Variants in C18orf63 observed in about 807,000 individuals in gnomAD.
The protein encoded by C18orf63 is chromosome 18 open reading frame 63.
In C18orf63, 50 loss-of-function variants were observed where a neutral mutation model predicts 75.3. The observed-to-expected ratio is 0.66, with a 90% CI of 0.53 to 0.84. The LOEUF (loss-of-function observed/expected upper bound fraction) is 0.84. Ranked by LOEUF, C18orf63 falls within the 40% of genes least tolerant of loss-of-function variation. The probability of loss-of-function intolerance (pLI) is 0.00; values close to 1 mark genes in which losing one functional copy is unlikely to be tolerated. For missense variants in C18orf63, 732 were observed against 800.2 expected, an observed-to-expected ratio of 0.91 and a Z score of 1.03; for synonymous variants, 232 against 267.6, an observed-to-expected ratio of 0.87 and a Z score of 1.30.
At chr18:74,338,057 C>T (rs899900573) in intron 7 of C18orf63, among the ~76,000 whole-genome samples, 1 of 152,044 alleles carries the variant, frequency 6.6e-6, no homozygotes, top group Admixed American at 6.6e-5. Flanking sequence ...GTCCTTTCAC[C>T]CATTAATACT....
intron 7 of C18orf63, among the ~76,000 whole-genome samples, chr18:74,333,369 T>C (rs1263364880): frequency 6.6e-6 from 1 of 152,186 alleles, no homozygotes. Context: ...TTTTACCATC[T>C]GTATTAGTCC....
In C18orf63 at chr18:74,318,221, A is replaced by G. The variant is rs8083108; in HGVS notation, c.134+222A>G. ...AATTATCTCACTGTTGAGTTTTTAT[A>G]TCTGTGACCTCTTATGTGCTTTTTA... On this transcript the variant is annotated intron_variant, in intron 2 of 13. Coordinates refer to ENST00000579455, the MANE Select transcript of C18orf63 (RefSeq NM_001174123.2). Among the ~76,000 whole-genome samples the G allele has an allele frequency of 8.9e-3, 1,355 of 152,276 alleles. 23 individuals are homozygous for G. The highest frequency in any genetic ancestry group is 0.03 in the African/African-American group (1,265 of 41,556).
chr18:74,325,800 G>C (rs1319651514), intron 4 of C18orf63, among the ~76,000 whole-genome samples: 2 of 152,192 alleles, frequency 1.3e-5, no homozygotes, highest in Non-Finnish European at 2.9e-5. Flanking sequence ...TCCCTGCAAT[G>C]GGAGTCACTC....
At chr18:74,341,222 G>C (rs1479220735) in intron 8 of C18orf63, among the ~76,000 whole-genome samples, 2 of 123,250 alleles carry the variant, frequency 1.6e-5, no homozygotes, top group African/African-American at 6.2e-5. Flanking sequence ...AGTGAGCCGA[G>C]ATCCCGCCAC....
chr18:74,337,727 C>T (rs994108379), intron 7 of C18orf63, among the ~76,000 whole-genome samples: 2 of 152,136 alleles, frequency 1.3e-5, no homozygotes, highest in African/African-American at 2.4e-5. Flanking sequence ...TACCTCACAA[C>T]GTAACTAGCA....
rs533866204 is a variant in C18orf63, at chr18:74,321,765, C to T, written c.214-933C>T. ...TCAAGAATGTGAATTTAAGCAAGGG[C>T]GATAAGAGGAAAGTAGCTATCTGTT... On this transcript the variant is annotated intron_variant, in intron 3 of 13. Transcript: ENST00000579455. 3.3e-5 allele frequency among the ~76,000 whole-genome samples: 5 copies of T among 151,044 alleles called. 1 individual carries two copies. The South Asian group carries it at 8.4e-4, about 25-fold the overall frequency.
chr18:74,335,081 C>G (rs1984369712), intron 7 of C18orf63, among the ~76,000 whole-genome samples: 2 of 152,138 alleles, frequency 1.3e-5, no homozygotes, highest in Admixed American at 1.3e-4. Flanking sequence ...ATTATCTATG[C>G]AAATGTCTCA....
intron 7 of C18orf63, among the ~76,000 whole-genome samples, chr18:74,333,396 G>T (rs1198803353): frequency 1.3e-5 from 2 of 152,114 alleles, no homozygotes; most frequent in Non-Finnish European, 2.9e-5. Flanking sequence ...ATGCTGCTCT[G>T]AAGAAATACC....
At chr18:74,338,025 T>G (rs972542052) in intron 7 of C18orf63, among the ~76,000 whole-genome samples, 16 of 152,198 alleles carry the variant, frequency 1.1e-4, no homozygotes, top group African/African-American at 3.1e-4. Flanking sequence ...TTATGAATCA[T>G]TCTGTCTAAT....
chr18:74,332,499 A>G, intron 7 of C18orf63, among the ~76,000 whole-genome samples: 1 of 152,092 alleles, frequency 6.6e-6, no homozygotes, highest in East Asian at 1.9e-4. Context: ...GGTTAGGAGT[A>G]TAAGACCAGC....
At chr18:74,339,994 A>G (rs185548988) in intron 8 of C18orf63, among the ~76,000 whole-genome samples, 5 of 152,318 alleles carry the variant, frequency 3.3e-5, no homozygotes, top group African/African-American at 1.2e-4. Context: ...AACAAAAGCA[A>G]AAATAGACAA....
At position 74,353,908 on chromosome 18, in the gene C18orf63, A is replaced by G; in HGVS notation, c.1641A>G (p.Val547=). The change falls in exon 12 of 14, where the codon GTA becomes GTG. Residue 547 remains valine, a synonymous_variant. Transcript: ENST00000579455. ...ATAAGCAACTATCTAATAGTGCAGTATTTGTGGTGTCAAATAACAATTTAG... is the reference window on the plus strand; with the variant it reads ...ATAAGCAACTATCTAATAGTGCAGTGTTTGTGGTGTCAAATAACAATTTAG... ...NKNKQLSNSA[V]FVVSNNNLGV... 6.5e-7 allele frequency: 1 copy of G among 1,536,082 alleles called. No individual in the cohort carries two copies. The highest frequency in any genetic ancestry group is 8.7e-7 in the Non-Finnish European group (1 of 1,146,826).
chr18:74,317,981 T>C lies in C18orf63; in HGVS notation c.116T>C (p.Ile39Thr). Residue 39 changes from isoleucine (I) to threonine (T), a missense_variant, in exon 2 of 14, where the codon ATA becomes ACA. This residue lies in a region of C18orf63 where 233 missense variants were observed against 272.7 expected (regional missense o/e 0.85). Transcript: ENST00000579455. ...NKVADTEIRT[I>T]QMKMCRQLLF... Reference sequence around the variant, plus strand: ...GTGGCAGATACTGAGATTAGGACTATACAAATGAAGATGTGCAGGTAAAAA... The same window carrying C: ...GTGGCAGATACTGAGATTAGGACTACACAAATGAAGATGTGCAGGTAAAAA... 1 of 1,503,964 alleles carries C rather than the reference T, an allele frequency of 6.6e-7. No individual in the cohort carries two copies. Among genetic ancestry groups the C allele is most frequent in the Non-Finnish European group, 8.9e-7 (1 of 1,129,590 alleles). 93.2% of individuals were successfully genotyped at this position (1,503,964 alleles called of 1,614,324 possible). A position where few individuals can be genotyped will look rare whatever the true frequency, so the allele number is the denominator to read the frequency against.
At chr18:74,320,664 T>A in intron 3 of C18orf63, 73 bp downstream of exon 3, 2 of 876,340 alleles carry the variant, frequency 2.3e-6, no homozygotes, top group Non-Finnish European at 3.4e-6. Context: ...ATTTAGGTAT[T>A]ATAGCTAAAG....
chr18:74,333,883 A>G (rs186508296), intron 7 of C18orf63, among the ~76,000 whole-genome samples: 73 of 152,328 alleles, frequency 4.8e-4, no homozygotes, highest in African/African-American at 1.5e-3. Context: ...TACACTCAAC[A>G]TGTACTTGTT....
At chr18:74,346,471 G>A (rs1203464076) in intron 11 of C18orf63, among the ~76,000 whole-genome samples, 3 of 152,144 alleles carry the variant, frequency 2.0e-5, no homozygotes, top group Middle Eastern at 3.2e-3. Flanking sequence ...TGACAATCTA[G>A]ATACAAAGGC....
chr18:74,350,655 C>G (rs1984651755), intron 11 of C18orf63, among the ~76,000 whole-genome samples: 1 of 152,110 alleles, frequency 6.6e-6, no homozygotes, highest in Non-Finnish European at 1.5e-5. Context: ...ATACAAACCC[C>G]TTCTTGATGC....
intron 4 of C18orf63, among the ~76,000 whole-genome samples, chr18:74,326,446 T>C (rs35539765): frequency 0.021 from 3,230 of 152,306 alleles, 54 homozygotes; most frequent in Non-Finnish European, 0.035. Flanking sequence ...TCTGTGCTAA[T>C]CCATACTCAG....
chr18:74,317,923 C>T lies in C18orf63; in HGVS notation c.58C>T (p.Leu20Phe), dbSNP rs1452480432. The change falls in exon 2 of 14, where the codon CTC becomes TTC. Residue 20 changes from leucine to phenylalanine, a missense_variant. Physicochemically the swap from Leu to Phe is conservative, Grantham distance 22 (BLOSUM62 0). This residue lies in a region of C18orf63 where 233 missense variants were observed against 272.7 expected (regional missense o/e 0.85). Coordinates refer to ENST00000579455, the MANE Select transcript of C18orf63 (RefSeq NM_001174123.2). ...FFITLPDLNK[L>F]CAVRIILSNK... ...CATCACACTTCCAGATTTAAACAAA[C>T]TCTGTGCTGTCAGAATAATACTGAG... The T allele has an allele frequency of 2.0e-6, 3 of 1,533,822 alleles. No individual in the cohort carries two copies. The highest frequency in any genetic ancestry group is 2.4e-5 in the South Asian group (2 of 83,850).
Sources: gnomAD v4.1 joint callset for allele counts (sites outside exome capture counted in the v4.1 genomes callset) on GRCh38, gnomAD v4.1.1 for gene constraint, gnomAD v4.1.1 regional missense constraint, MANE v1.5 for transcripts, NCBI Gene and HGNC (gene_info 2026-07-23, HGNC 2026-07-21) for gene names.